The following PCDH9 variants were observed in gnomAD, a reference collection of about 807,000 sequenced individuals.
The protein encoded by PCDH9 is protocadherin 9, also known as protocadherin-9.
Under a neutral mutation model 70.6 loss-of-function variants are expected in PCDH9, and 24 were observed. That is an observed-to-expected ratio of 0.34 (90% CI 0.25 to 0.48). The LOEUF (loss-of-function observed/expected upper bound fraction) is 0.48, where lower values mean the gene tolerates loss of function less well. Among genes scored for constraint, PCDH9 ranks in the 20% least tolerant of loss-of-function variants. PCDH9 has a pLI of 0.99. For synonymous variants in PCDH9, 562 were observed against 558.5 expected (o/e 1.01, Z -0.09); for missense variants, 1,281 against 1,503.6 (o/e 0.85, Z 2.45).
intron 2 of PCDH9, among the ~76,000 whole-genome samples, chr13:66,918,310 C>T (rs1381048663): frequency 6.6e-6 from 1 of 151,088 alleles, no homozygotes; most frequent in Non-Finnish European, 1.5e-5. Flanking sequence ...CTTTAGTGTT[C>T]ATTTGTTTCT....
intron 4 of PCDH9, among the ~76,000 whole-genome samples, chr13:66,591,079 A>G (rs934209762): frequency 4.6e-5 from 7 of 151,894 alleles, no homozygotes; most frequent in Admixed American, 4.6e-4. Flanking sequence ...AGTTAATGTT[A>G]GTCTATAATA....
At chr13:66,868,057 A>T (rs1343305817) in intron 3 of PCDH9, among the ~76,000 whole-genome samples, 3 of 152,072 alleles carry the variant, frequency 2.0e-5, no homozygotes. Context: ...CTCTTTAAAT[A>T]GGTTTCCTAG....
chr13:67,023,912 A>T lies in PCDH9; in HGVS notation c.3037-120307T>A, dbSNP rs538742852. Among the ~76,000 whole-genome samples the T allele has an allele frequency of 8.5e-5, 13 of 152,288 alleles. No individual in the cohort carries two copies. In the East Asian group the frequency reaches 2.5e-3, roughly 29 times the overall value. ...ATTAAATTATATCAATAACAGACCA[A>T]ACTGTACATTAAAGATGTTCCATAT... is the stretch of plus-strand genomic sequence containing the variant. On this transcript the variant is annotated intron_variant, in intron 2 of 4. Transcript: ENST00000377865.
At chr13:67,148,666 G>A (rs549140088) in intron 2 of PCDH9, among the ~76,000 whole-genome samples, 4 of 151,950 alleles carry the variant, frequency 2.6e-5, no homozygotes, top group East Asian at 3.9e-4. Context: ...TTTCTTCGAT[G>A]TCCTTTGAAG....
chr13:66,563,807 C>G (rs1475231878), intron 4 of PCDH9, among the ~76,000 whole-genome samples: 2 of 152,148 alleles, frequency 1.3e-5, no homozygotes, highest in African/African-American at 4.8e-5. Context: ...GATTCCTTAT[C>G]TAGCCATTCT....
chr13:67,133,444 G>A (rs533552640), intron 2 of PCDH9, among the ~76,000 whole-genome samples: 2 of 152,174 alleles, frequency 1.3e-5, no homozygotes, highest in East Asian at 3.9e-4. Context: ...AGACAGAAAG[G>A]AATTCTGAAT....
chr13:66,656,841 C>A (rs1249652533), intron 3 of PCDH9, among the ~76,000 whole-genome samples: 1 of 149,306 alleles, frequency 6.7e-6, no homozygotes, highest in African/African-American at 2.5e-5. Flanking sequence ...AAGAGGAAAC[C>A]AAATGAAAGA....
At chr13:66,507,353 T>C (rs1344331443) in intron 4 of PCDH9, among the ~76,000 whole-genome samples, 1 of 152,198 alleles carries the variant, frequency 6.6e-6, no homozygotes. Context: ...AAATTCAGAA[T>C]TGGTATCACG....
At chr13:66,955,229 C>A (rs2083249053) in intron 2 of PCDH9, among the ~76,000 whole-genome samples, 1 of 152,184 alleles carries the variant, frequency 6.6e-6, no homozygotes, top group African/African-American at 2.4e-5. Context: ...CAATATCAAT[C>A]AATCAAATGT....
At chr13:66,584,196 G>C (rs1017234204) in intron 4 of PCDH9, among the ~76,000 whole-genome samples, 20 of 152,178 alleles carry the variant, frequency 1.3e-4, no homozygotes, top group African/African-American at 4.8e-4. Flanking sequence ...AGATACAGTA[G>C]AAACTTGTGG....
chr13:66,472,013 C>T (rs564818835), intron 4 of PCDH9, among the ~76,000 whole-genome samples: 2 of 151,916 alleles, frequency 1.3e-5, no homozygotes, highest in East Asian at 1.9e-4. Context: ...GAGTTCGAAA[C>T]GAGCTTGGTC....
chr13:67,028,897 T>C (rs2084847259), intron 2 of PCDH9, among the ~76,000 whole-genome samples: 2 of 152,164 alleles, frequency 1.3e-5, no homozygotes, highest in South Asian at 4.1e-4. Context: ...TAACCTAATG[T>C]AGACTGCCAG....
At chr13:66,574,462 C>G (rs1024344878) in intron 4 of PCDH9, among the ~76,000 whole-genome samples, 1 of 152,176 alleles carries the variant, frequency 6.6e-6, no homozygotes, top group African/African-American at 2.4e-5. Flanking sequence ...GCTACCCACA[C>G]ATCCTCCATT....
At chr13:66,490,179 G>T (rs140854589) in intron 4 of PCDH9, among the ~76,000 whole-genome samples, 1 of 152,178 alleles carries the variant, frequency 6.6e-6, no homozygotes, top group East Asian at 1.9e-4. Flanking sequence ...AGAATATGCT[G>T]TATAAAAGGG....
chr13:66,969,524 A>AT (rs376388442), intron 2 of PCDH9, among the ~76,000 whole-genome samples: 243 of 152,248 alleles, frequency 1.6e-3, no homozygotes, highest in African/African-American at 5.6e-3. Context: ...TTTCAATAGT[A>AT]TGATTGAGAA....
chr13:66,764,444 A>G lies in PCDH9; in HGVS notation c.3139-133033T>C, dbSNP rs191735762. Among the ~76,000 whole-genome samples the G allele has an allele frequency of 4.4e-4, 67 of 152,094 alleles. 2 individuals carry two copies. Among genetic ancestry groups the G allele is most frequent in the Admixed American group, 2.0e-3 (31 of 15,264 alleles). ...GCGTGTAAAACTTTCTATATAGATTATATGAGGTGTTTCAGTTCCAGACCT... is the reference window on the plus strand; with the variant it reads ...GCGTGTAAAACTTTCTATATAGATTGTATGAGGTGTTTCAGTTCCAGACCT... On this transcript the variant is annotated intron_variant, in intron 3 of 4. Coordinates refer to ENST00000377865, the MANE Select transcript of PCDH9 (RefSeq NM_203487.3).
chr13:66,788,460 A>G (rs1388204650), intron 3 of PCDH9, among the ~76,000 whole-genome samples: 1 of 152,118 alleles, frequency 6.6e-6, no homozygotes, highest in Non-Finnish European at 1.5e-5. Context: ...TATACACATA[A>G]TAAGAATTGA....
intron 4 of PCDH9, among the ~76,000 whole-genome samples, chr13:66,312,893 T>C (rs1451232848): frequency 1.3e-5 from 2 of 152,154 alleles, no homozygotes; most frequent in Admixed American, 6.5e-5. Context: ...AGATGAAAAG[T>C]CAACATTTGC....
At chr13:66,989,304 T>G (rs1395524012) in intron 2 of PCDH9, among the ~76,000 whole-genome samples, 2 of 151,964 alleles carry the variant, frequency 1.3e-5, no homozygotes, top group Non-Finnish European at 2.9e-5. Context: ...TTTCCACATC[T>G]GGCCCACCAA....
Sources: gnomAD v4.1 joint callset for allele counts (sites outside exome capture counted in the v4.1 genomes callset) on GRCh38, gnomAD v4.1.1 for gene constraint, MANE v1.5 for transcripts, NCBI Gene and HGNC (gene_info 2026-07-23, HGNC 2026-07-21) for gene names.